HIBCH: variants seen among roughly 807,000 people sequenced by gnomAD.
HIBCH encodes 3-hydroxyisobutyryl-CoA hydrolase, mitochondrial.
A neutral mutation model predicts 58.2 loss-of-function variants in HIBCH; 50 were observed. The observed-to-expected ratio is 0.86, with a 90% CI of 0.68 to 1.09. The LOEUF (loss-of-function observed/expected upper bound fraction) is 1.09, where lower values mean the gene tolerates loss of function less well. Among genes scored for constraint, HIBCH ranks in the 50% least tolerant of loss-of-function variants. The pLI is 0.00. For synonymous variants in HIBCH, 151 were observed against 146.9 expected (o/e 1.03, Z -0.20); for missense variants, 450 against 449.7 (o/e 1.00, Z -0.01).
At position 190,290,553 on chromosome 2, in the gene HIBCH, G is replaced by C. The variant is rs1390848634; in HGVS notation, c.305-68C>G. On this transcript the variant is annotated intron_variant, in intron 4 of 13. Transcript: ENST00000359678. ...GTCAACATTGTCAACTAGATCAAAAGTATTATGAAAATTAAATACTGGGGG... is the reference window on the plus strand; with the variant it reads ...GTCAACATTGTCAACTAGATCAAAACTATTATGAAAATTAAATACTGGGGG... 4 of 1,046,300 alleles carry C rather than the reference G, an allele frequency of 3.8e-6. No homozygotes were observed. The African/African-American group carries it at 4.8e-5, about 13-fold the overall frequency. 64.8% of individuals were successfully genotyped at this position (1,046,300 alleles called of 1,614,324 possible).
At chr2:190,261,015 T>C (rs112934344) in intron 7 of HIBCH, 141 bp downstream of exon 7, 5 of 671,794 alleles carry the variant, frequency 7.4e-6, no homozygotes, top group African/African-American at 7.3e-5. Flanking sequence ...AGTATCTTCC[T>C]ATTTAATTTC....
At chr2:190,272,363 T>C (rs924049440) in intron 6 of HIBCH, among the ~76,000 whole-genome samples, 1 of 152,156 alleles carries the variant, frequency 6.6e-6, no homozygotes, top group African/African-American at 2.4e-5. Context: ...GAGCCTCTAG[T>C]TAGTTTCGAA....
At chr2:190,273,680 T>G (rs530933123) in intron 6 of HIBCH, among the ~76,000 whole-genome samples, 1 of 143,462 alleles carries the variant, frequency 7.0e-6, no homozygotes, top group African/African-American at 2.6e-5. Context: ...TAAAGAAAGC[T>G]CCTTTCATAT....
intron 4 of HIBCH, 41 bp downstream of exon 4, chr2:190,294,505 T>A (rs753391189): frequency 1.6e-6 from 2 of 1,259,120 alleles, no homozygotes; most frequent in Non-Finnish European, 1.2e-6. Context: ...TCAGTTCTAG[T>A]AGGGGGAAAG....
intron 1 of HIBCH, among the ~76,000 whole-genome samples, chr2:190,314,964 TTGAGCC>T (rs1032962725): frequency 6.6e-6 from 1 of 152,074 alleles, no homozygotes; most frequent in African/African-American, 2.4e-5. Flanking sequence ...CTTTTTTTTT[TTGAGCC>T]TGAGTCTCTC....
At chr2:190,249,277 G>A (rs1161098452) in intron 9 of HIBCH, among the ~76,000 whole-genome samples, 1 of 152,154 alleles carries the variant, frequency 6.6e-6, no homozygotes, top group Admixed American at 6.6e-5. Context: ...AAAAATACAT[G>A]CTGCAATAAA....
At chr2:190,283,545 G>A (rs945942892) in intron 6 of HIBCH, among the ~76,000 whole-genome samples, 29 of 152,072 alleles carry the variant, frequency 1.9e-4, no homozygotes, top group South Asian at 6.2e-4. Flanking sequence ...TGTTACATTC[G>A]AGTGCTATTT....
chr2:190,255,828 G>GGGGAGA (rs1660941051), intron 7 of HIBCH, among the ~76,000 whole-genome samples: 1 of 150,120 alleles, frequency 6.7e-6, no homozygotes, highest in South Asian at 2.1e-4. Flanking sequence ...GCTTAGGAAT[G>GGGGAGA]GAGAGAGAGA....
rs1214822530 is a variant in HIBCH at position 190,210,814 on chromosome 2, T to A, written c.1012-1901A>T. Among the ~76,000 whole-genome samples, 2 of 152,190 alleles carry A rather than the reference T, an allele frequency of 1.3e-5. No individual in the cohort carries two copies. Among genetic ancestry groups the A allele is most frequent in the African/African-American group, 2.4e-5 (1 of 41,440 alleles). The stretch of plus-strand genomic sequence containing the variant: ...CTGCCTGGGATGCTCTTCCTCTAGA[T>A]AATGGCATGGGCTCACTTCCTTACT... On this transcript the variant is annotated intron_variant, in intron 12 of 13. Coordinates refer to ENST00000359678, the MANE Select transcript of HIBCH (RefSeq NM_014362.4). This position sits in a 1 kb window ranked among gnomAD's most constrained non-coding sequence, Gnocchi z 5.5.
intron 11 of HIBCH, among the ~76,000 whole-genome samples, chr2:190,224,277 C>A (rs1409639234): frequency 3.9e-5 from 6 of 152,102 alleles, no homozygotes; most frequent in African/African-American, 1.4e-4. Context: ...TGGGTGGAGC[C>A]CACCGCAGAT....
chr2:190,272,502 C>G (rs1304526747), intron 6 of HIBCH, among the ~76,000 whole-genome samples: 2 of 152,144 alleles, frequency 1.3e-5, no homozygotes, highest in African/African-American at 4.8e-5. Flanking sequence ...AAAAATCATC[C>G]AAACCAACAT....
At chr2:190,225,857 T>C (rs1274710092) in intron 11 of HIBCH, among the ~76,000 whole-genome samples, 1 of 152,166 alleles carries the variant, frequency 6.6e-6, no homozygotes, top group Non-Finnish European at 1.5e-5. Flanking sequence ...TGAACATTGA[T>C]GCAAAAATCC....
intron 1 of HIBCH, among the ~76,000 whole-genome samples, chr2:190,312,248 T>TA (rs1457864595): frequency 1.3e-5 from 2 of 152,210 alleles, no homozygotes; most frequent in African/African-American, 4.8e-5. Flanking sequence ...TTGGGCTTTT[T>TA]AAAAAATGTC....
chr2:190,285,550 T>A (rs1029048927), intron 6 of HIBCH, among the ~76,000 whole-genome samples: 2 of 152,070 alleles, frequency 1.3e-5, no homozygotes, highest in South Asian at 2.1e-4. Context: ...CGGTCCTTAT[T>A]TAGGGTGGTT....
In HIBCH at chr2:190,243,762, G is replaced by A. The variant is rs557753740; in HGVS notation, c.891+1125C>T. 3.9e-5 allele frequency among the ~76,000 whole-genome samples: 6 copies of A among 152,246 alleles called. 1 individual carries two copies. The highest frequency in any genetic ancestry group is 1.4e-4 in the African/African-American group (6 of 41,564). Reference sequence around the variant, plus strand: ...GTGGGTGAATCACTTGAGCCTAGGAGGTCGAGACCAGTCTGGCCAACATGG... The same window carrying A: ...GTGGGTGAATCACTTGAGCCTAGGAAGTCGAGACCAGTCTGGCCAACATGG... On this transcript the variant is annotated intron_variant, in intron 11 of 13. Transcript: ENST00000359678. The surrounding 1 kb of genome is among the most constrained non-coding windows in gnomAD (Gnocchi z 4.1).
chr2:190,310,620 T>C, intron 2 of HIBCH, 134 bp downstream of exon 2: 1 of 779,134 alleles, frequency 1.3e-6, no homozygotes, highest in Non-Finnish European at 2.3e-6. Context: ...TGCCATGTCT[T>C]GACACTCAGT....
rs1686705598 is a variant in HIBCH, at chr2:190,249,580, T to C, written c.750+60A>G. Reference sequence around the variant, plus strand: ...CTATAATATTCACCAACTGCCAGTTTTTTAATCACTTCCCCTCCCCATGAA... The same window carrying C: ...CTATAATATTCACCAACTGCCAGTTCTTTAATCACTTCCCCTCCCCATGAA... On this transcript the variant is annotated intron_variant, in intron 9 of 13. Coordinates refer to ENST00000359678, the MANE Select transcript of HIBCH (RefSeq NM_014362.4). 7.3e-6 allele frequency: 7 copies of C among 958,166 alleles called. No individual in the cohort carries two copies. In the South Asian group the frequency reaches 9.7e-5, roughly 13 times the overall value. The allele number at this position is 958,166 out of a possible 1,614,324, so 59.4% of individuals were successfully genotyped here.
intron 6 of HIBCH, among the ~76,000 whole-genome samples, chr2:190,269,573 A>G (rs1687333359): frequency 6.6e-6 from 1 of 152,226 alleles, no homozygotes. Context: ...TCAGGAAACA[A>G]CAGCTGCTGG....
At chr2:190,229,354 C>CA (rs1310576921) in intron 11 of HIBCH, among the ~76,000 whole-genome samples, 27 of 152,186 alleles carry the variant, frequency 1.8e-4, no homozygotes, top group African/African-American at 6.3e-4. Flanking sequence ...CTATCCAACT[C>CA]AAAGGAATGC....
Sources: allele counts gnomAD v4.1 joint callset (sites outside exome capture counted in the v4.1 genomes callset), GRCh38; gene constraint gnomAD v4.1.1; non-coding constraint Gnocchi (gnomAD v3.1); transcripts MANE v1.5; gene names NCBI Gene and HGNC (gene_info 2026-07-23, HGNC 2026-07-21).